The following HSD17B12 variants were observed in gnomAD, a reference collection of about 807,000 sequenced individuals.
HSD17B12 encodes the protein very-long-chain 3-oxoacyl-CoA reductase.
HSD17B12 carries 32 observed loss-of-function variants against 39.3 expected under a neutral mutation model. The ratio of observed to expected loss-of-function variants is 0.81; its 90% CI spans 0.61 to 1.09. The LOEUF (loss-of-function observed/expected upper bound fraction) is 1.09. Among genes scored for constraint, HSD17B12 ranks in the 50% least tolerant of loss-of-function variants. The pLI, the probability that HSD17B12 is intolerant of heterozygous loss-of-function variation, is 0.00. For missense variants in HSD17B12, 342 were observed against 382.9 expected (o/e 0.89, Z 0.89); for synonymous variants, 150 against 146.7 (o/e 1.02, Z -0.16).
At chr11:43,837,513 C>T (rs113138657) in intron 7 of HSD17B12, among the ~76,000 whole-genome samples, 9,641 of 152,254 alleles carry the variant, frequency 0.063, 424 homozygotes, top group Middle Eastern at 0.18. Flanking sequence ...ATCTTTATAG[C>T]ATTGCTTTTC....
At chr11:43,735,791 A>G (rs1339295717) in intron 1 of HSD17B12, among the ~76,000 whole-genome samples, 1 of 152,198 alleles carries the variant, frequency 6.6e-6, no homozygotes, top group Non-Finnish European at 1.5e-5. Context: ...ACAGTTCTGC[A>G]TGGCTGGGGA....
chr11:43,784,001 A>T (rs1195359073), intron 3 of HSD17B12, among the ~76,000 whole-genome samples: 1 of 152,196 alleles, frequency 6.6e-6, no homozygotes, highest in Non-Finnish European at 1.5e-5. Context: ...TTGTAGCAGG[A>T]TGAGCCACAG....
At chr11:43,732,021 A>G (rs1421631457) in intron 1 of HSD17B12, among the ~76,000 whole-genome samples, 1 of 152,146 alleles carries the variant, frequency 6.6e-6, no homozygotes, top group African/African-American at 2.4e-5. Flanking sequence ...CCTAAGTCTC[A>G]TCTTGAATTG....
intron 1 of HSD17B12, among the ~76,000 whole-genome samples, chr11:43,684,646 A>G (rs1352409420): frequency 6.6e-6 from 1 of 152,242 alleles, no homozygotes; most frequent in African/African-American, 2.4e-5. Context: ...GCAGTGAAGA[A>G]TAAATGATCC....
chr11:43,703,062 A>G (rs1490463740), intron 1 of HSD17B12, among the ~76,000 whole-genome samples: 3 of 151,980 alleles, frequency 2.0e-5, no homozygotes, highest in Non-Finnish European at 2.9e-5. Flanking sequence ...ACCTCTGTCT[A>G]GTTTTGGTAT....
the HSD17B12 span, among the ~76,000 whole-genome samples, chr11:43,601,636 G>A: frequency 6.6e-6 from 1 of 152,020 alleles, no homozygotes; most frequent in African/African-American, 2.4e-5. Context: ...TGGTTTGGGT[G>A]GGGTAATCTC....
chr11:43,606,639 C>G, the HSD17B12 span, among the ~76,000 whole-genome samples: 1 of 152,222 alleles, frequency 6.6e-6, no homozygotes, highest in African/African-American at 2.4e-5. Flanking sequence ...AATCAGGAGA[C>G]AGGACTCAAA....
chr11:43,852,018 G>A (rs183998275), intron 9 of HSD17B12: 3 of 152,214 alleles, frequency 2.0e-5, no homozygotes, highest in South Asian at 2.1e-4. Context: ...ACGCTGTTTC[G>A]TCTTTGAACC....
At chr11:43,797,689 A>C (rs1025732045) in intron 3 of HSD17B12, among the ~76,000 whole-genome samples, 5 of 152,186 alleles carry the variant, frequency 3.3e-5, no homozygotes, top group South Asian at 2.1e-4. Context: ...TATTATTTTC[A>C]TCAGCACTGT....
intron 3 of HSD17B12, among the ~76,000 whole-genome samples, chr11:43,795,743 A>G (rs948131587): frequency 6.6e-6 from 1 of 152,224 alleles, no homozygotes. Context: ...CATTTGTGCC[A>G]TTGTTGAGCA....
In HSD17B12 at chr11:43,835,349, G is replaced by A. The variant is rs1198925017; in HGVS notation, c.537-2968G>A. Reference sequence around the variant, plus strand: ...TTGATTTAAAGGGCGAGTCTTTTGTGCCTTGCAGTCCCAAATGCTCAGCCC... The same window carrying A: ...TTGATTTAAAGGGCGAGTCTTTTGTACCTTGCAGTCCCAAATGCTCAGCCC... On this transcript the variant is annotated intron_variant, in intron 7 of 10. Transcript: ENST00000278353. Among the ~76,000 whole-genome samples, 11 of 152,138 alleles carry A rather than the reference G, an allele frequency of 7.2e-5. No individual in the cohort carries two copies. In the East Asian group the frequency reaches 2.1e-3, roughly 29 times the overall value.
intron 1 of HSD17B12, chr11:43,719,100 C>G: frequency 2.6e-6 from 2 of 766,952 alleles, no homozygotes. Flanking sequence ...CAACTGGCTC[C>G]TGATTACAAT....
chr11:43,671,278 C>G, the HSD17B12 span, among the ~76,000 whole-genome samples: 2 of 152,200 alleles, frequency 1.3e-5, no homozygotes, highest in Non-Finnish European at 2.9e-5. Context: ...CTCCCAGGTT[C>G]AAGTGATTCT....
At chr11:43,656,807 T>A in the HSD17B12 span, among the ~76,000 whole-genome samples, 1 of 152,082 alleles carries the variant, frequency 6.6e-6, no homozygotes, top group East Asian at 1.9e-4. Context: ...TGCTGAGGAG[T>A]GCTTTACTTC....
intron 4 of HSD17B12, among the ~76,000 whole-genome samples, chr11:43,811,914 C>G (rs564406400): frequency 6.6e-6 from 1 of 152,268 alleles, no homozygotes; most frequent in Admixed American, 6.5e-5. Flanking sequence ...TTATTCTACT[C>G]TCTACCTCCA....
intron 1 of HSD17B12, among the ~76,000 whole-genome samples, chr11:43,687,911 C>CT (rs957232377): frequency 4.7e-4 from 71 of 152,220 alleles, no homozygotes; most frequent in African/African-American, 1.4e-3. Flanking sequence ...TTAAAATTGC[C>CT]TTTTTTAAAA....
At chr11:43,656,612 G>C in the HSD17B12 span, among the ~76,000 whole-genome samples, 1 of 151,962 alleles carries the variant, frequency 6.6e-6, no homozygotes, top group Non-Finnish European at 1.5e-5. Flanking sequence ...CTTTATTCTC[G>C]TTGGTTTCAA....
At chr11:43,557,849 AG>A in the HSD17B12 span, among the ~76,000 whole-genome samples, 15 of 150,976 alleles carry the variant, frequency 9.9e-5, 1 homozygote, top group African/African-American at 3.7e-4. Context: ...TCCTGCTTTG[AG>A]GGGCTGGTGC....
chr11:43,561,398 G>A, the HSD17B12 span, among the ~76,000 whole-genome samples: 1 of 152,178 alleles, frequency 6.6e-6, no homozygotes, highest in African/African-American at 2.4e-5. Context: ...TCTAGAGGAA[G>A]ACGGGCCTAC....
Sources: allele counts gnomAD v4.1 joint callset (sites outside exome capture counted in the v4.1 genomes callset), GRCh38; gene constraint gnomAD v4.1.1; transcripts MANE v1.5; gene names NCBI Gene and HGNC (gene_info 2026-07-23, HGNC 2026-07-21).